MGAT4C: variants seen among roughly 807,000 people sequenced by gnomAD.
The protein encoded by MGAT4C is alpha-1,3-mannosyl-glycoprotein 4-beta-N-acetylglucosaminyltransferase C.
MGAT4C carries 19 observed loss-of-function variants against 40.1 expected under a neutral mutation model. The ratio of observed to expected loss-of-function variants is 0.47; its 90% CI spans 0.33 to 0.70. The LOEUF is 0.70. Among genes scored for constraint, MGAT4C ranks in the 30% least tolerant of loss-of-function variants. MGAT4C has a pLI of 0.02. For missense variants in MGAT4C, 491 were observed against 563.2 expected, an observed-to-expected ratio of 0.87 and a Z score of 1.30; for synonymous variants, 181 against 187.1, an observed-to-expected ratio of 0.97 and a Z score of 0.27.
chr12:86,232,534 C>T (rs778497621), intron 1 of MGAT4C, among the ~76,000 whole-genome samples: 4 of 152,088 alleles, frequency 2.6e-5, no homozygotes, highest in Non-Finnish European at 4.4e-5. Context: ...TCTCTCTCAC[C>T]TTCAGTAATT....
chr12:86,418,697 A>G (rs1434026206), intron 3 of MGAT4C, among the ~76,000 whole-genome samples: 3 of 152,154 alleles, frequency 2.0e-5, no homozygotes, highest in Non-Finnish European at 2.9e-5. Context: ...TATTTAGAGA[A>G]TATTGCAAAG....
At chr12:86,550,995 A>G (rs572466233) in intron 2 of MGAT4C, among the ~76,000 whole-genome samples, 2 of 152,312 alleles carry the variant, frequency 1.3e-5, no homozygotes, top group East Asian at 3.9e-4. Flanking sequence ...CCTGGCAGAC[A>G]TGCCCCCAGG....
rs11103901 is a variant in MGAT4C, at chr12:86,255,383, A to C, written c.-57+856T>G. Among the ~76,000 whole-genome samples, 1,163 of 152,174 alleles carry C rather than the reference A, an allele frequency of 7.6e-3. 21 individuals carry two copies. Among genetic ancestry groups the C allele is most frequent in the African/African-American group, 0.027 (1,116 of 41,540 alleles). ...TCAATTGAAAGCTTTTAGTGTAGTG[A>C]CTTTTCAGGTTCTCTGTCACATTCA... On this transcript the variant is annotated intron_variant, in intron 1 of 4. Transcript: ENST00000611864.
chr12:86,347,861 G>A (rs1037723570), intron 3 of MGAT4C, among the ~76,000 whole-genome samples: 5 of 151,806 alleles, frequency 3.3e-5, no homozygotes, highest in African/African-American at 1.2e-4. Flanking sequence ...TTTTTCCTTT[G>A]AACTTTCATG....
At chr12:86,338,161 A>G (rs1385723866) in intron 3 of MGAT4C, among the ~76,000 whole-genome samples, 1 of 152,082 alleles carries the variant, frequency 6.6e-6, no homozygotes, top group African/African-American at 2.4e-5. Context: ...ACATTCGGGG[A>G]GCAGAATTTT....
At chr12:86,562,651 AT>A (rs1168052965) in intron 2 of MGAT4C, among the ~76,000 whole-genome samples, 24 of 152,026 alleles carry the variant, frequency 1.6e-4, no homozygotes, top group Non-Finnish European at 2.9e-5. Context: ...TTCTAGACCT[AT>A]AACTAAAGTC....
intron 3 of MGAT4C, among the ~76,000 whole-genome samples, chr12:86,360,644 G>A (rs538234629): frequency 6.6e-6 from 1 of 152,264 alleles, no homozygotes; most frequent in African/African-American, 2.4e-5. Flanking sequence ...AAAGTCTCAG[G>A]ACACAAAATC....
intron 1 of MGAT4C, among the ~76,000 whole-genome samples, chr12:86,756,062 T>C (rs1951299520): frequency 6.6e-6 from 1 of 152,130 alleles, no homozygotes; most frequent in South Asian, 2.1e-4. Context: ...TGAAAATACA[T>C]GTATTAGTCA....
chr12:86,226,126 A>C (rs969741995), intron 1 of MGAT4C, among the ~76,000 whole-genome samples: 1 of 151,994 alleles, frequency 6.6e-6, no homozygotes, highest in Non-Finnish European at 1.5e-5. Flanking sequence ...ATGAAAAAAA[A>C]AAACATGTGC....
At chr12:86,020,602 C>A (rs1163338304) in intron 2 of MGAT4C, among the ~76,000 whole-genome samples, 1 of 152,148 alleles carries the variant, frequency 6.6e-6, no homozygotes, top group Non-Finnish European at 1.5e-5. Context: ...GGATTAAAGA[C>A]TTAAATGTTA....
chr12:86,353,033 A>AAT (rs202018590), intron 3 of MGAT4C, among the ~76,000 whole-genome samples: 12,514 of 146,798 alleles, frequency 0.085, 733 homozygotes, highest in Middle Eastern at 0.22. Flanking sequence ...TAAAATAAAA[A>AAT]AATAAATAAA....
At chr12:86,603,492 A>AAT (rs1490088013) in intron 2 of MGAT4C, among the ~76,000 whole-genome samples, 1 of 95,502 alleles carries the variant, frequency 1.0e-5, no homozygotes, top group African/African-American at 4.3e-5. Context: ...TAGACTATAT[A>AAT]ATATATACTA....
intron 2 of MGAT4C, among the ~76,000 whole-genome samples, chr12:86,040,738 CAAAA>C: frequency 6.7e-6 from 1 of 149,210 alleles, no homozygotes; most frequent in East Asian, 2.0e-4. Flanking sequence ...AACAAACAAA[CAAAA>C]AAAAAACTCC....
intron 1 of MGAT4C, among the ~76,000 whole-genome samples, chr12:86,789,373 T>C (rs1951985159): frequency 6.6e-6 from 1 of 152,060 alleles, no homozygotes; most frequent in Non-Finnish European, 1.5e-5. Context: ...AATAGGAAAT[T>C]TATGGGCTCA....
intron 3 of MGAT4C, among the ~76,000 whole-genome samples, chr12:86,369,750 C>T (rs1186340789): frequency 1.3e-5 from 2 of 151,888 alleles, no homozygotes; most frequent in Non-Finnish European, 2.9e-5. Flanking sequence ...TAATGCATTG[C>T]TTTTTTATTG....
At chr12:86,068,102 T>G (rs954073898) in intron 1 of MGAT4C, 2 of 152,202 alleles carry the variant, frequency 1.3e-5, no homozygotes, top group African/African-American at 2.4e-5. Context: ...CTGTGTATGT[T>G]CTTTTCTCAT....
intron 1 of MGAT4C, among the ~76,000 whole-genome samples, chr12:86,805,605 T>C (rs1000973944): frequency 6.6e-6 from 1 of 152,092 alleles, no homozygotes; most frequent in Non-Finnish European, 1.5e-5. Context: ...ATTTTCTTTA[T>C]CTAATCAACT....
intron 2 of MGAT4C, chr12:86,495,252 T>C (rs1958216617): frequency 1.3e-5 from 2 of 152,014 alleles, no homozygotes; most frequent in African/African-American, 4.8e-5. Context: ...GGAAATTACT[T>C]TTGAAGGCCC....
At chr12:86,116,214 C>A (rs1878389131) in intron 1 of MGAT4C, among the ~76,000 whole-genome samples, 1 of 151,860 alleles carries the variant, frequency 6.6e-6, no homozygotes, top group Non-Finnish European at 1.5e-5. Flanking sequence ...TCACTTTCTT[C>A]TCGATGGGAA....
Sources: allele counts gnomAD v4.1 joint callset (sites outside exome capture counted in the v4.1 genomes callset), GRCh38; gene constraint gnomAD v4.1.1; transcripts MANE v1.5; gene names NCBI Gene and HGNC (gene_info 2026-07-23, HGNC 2026-07-21).